DISC1: variants seen among roughly 807,000 people sequenced by gnomAD.
DISC1 encodes DISC1 scaffold protein.
A neutral mutation model predicts 84.5 loss-of-function variants in DISC1; 57 were observed. The observed-to-expected ratio is 0.67, with a 90% CI of 0.55 to 0.84. DISC1 has a LOEUF of 0.84. Among genes scored for constraint, DISC1 ranks in the 40% least tolerant of loss-of-function variants. DISC1 has a pLI of 0.00. For synonymous variants in DISC1, 411 were observed against 415.2 expected, an observed-to-expected ratio of 0.99 and a Z score of 0.12; for missense variants, 1,000 against 1,057.8, an observed-to-expected ratio of 0.95 and a Z score of 0.76.
chr1:231,894,088 G>A (rs189846678), intron 9 of DISC1, among the ~76,000 whole-genome samples: 3 of 152,172 alleles, frequency 2.0e-5, no homozygotes, highest in African/African-American at 7.2e-5. Flanking sequence ...TGTTGGGTGT[G>A]GTATTGCATA....
chr1:231,924,833 T>C (rs1253055719), intron 9 of DISC1, among the ~76,000 whole-genome samples: 6 of 152,006 alleles, frequency 3.9e-5, no homozygotes, highest in Non-Finnish European at 8.8e-5. Context: ...ATTTTTTGTA[T>C]TTTTAGTAGA....
Position 231,651,637 on chromosome 1 carries a change from G to A in DISC1, c.67+24703G>A, listed in dbSNP as rs185727435. The stretch of plus-strand genomic sequence containing the variant: ...CTCTTCAGAGCTGTCAGATAGGGAC[G>A]TTTAAGTCTGCAGAAGTTTCTGCTG... On this transcript the variant is annotated intron_variant, in intron 1 of 12. Coordinates refer to ENST00000439617, the MANE Select transcript of DISC1 (RefSeq NM_018662.3). Among the ~76,000 whole-genome samples, 12 of 152,344 alleles carry A rather than the reference G, an allele frequency of 7.9e-5. No individual in the cohort carries two copies. The South Asian group carries it at 1.4e-3, about 18-fold the overall frequency.
In DISC1 at chr1:231,816,396, TTG is replaced by T. The variant is rs558345738; in HGVS notation, c.1793-1929_1793-1928del. Among the ~76,000 whole-genome samples the T allele has an allele frequency of 1.7e-4, 26 of 152,322 alleles. No homozygotes were observed. In the South Asian group the frequency reaches 5.4e-3, roughly 32 times the overall value. ...TGTGACTTGTCGTCTCATTTTTTAG[TTG>T]TGTCTTTTGATGAGAAGTTTTTAAT... On this transcript the variant is annotated intron_variant, in intron 8 of 12. Coordinates refer to ENST00000439617, the MANE Select transcript of DISC1 (RefSeq NM_018662.3).
intron 1 of DISC1, among the ~76,000 whole-genome samples, chr1:231,651,924 T>G (rs2060659208): frequency 6.6e-6 from 1 of 152,228 alleles, no homozygotes; most frequent in Non-Finnish European, 1.5e-5. Context: ...CTTGGTGTGC[T>G]GTTTGCTAAG....
At chr1:231,797,888 A>T (rs17766629) in intron 7 of DISC1, among the ~76,000 whole-genome samples, 16,756 of 151,984 alleles carry the variant, frequency 0.11, 1,021 homozygotes, top group Non-Finnish European at 0.14. Flanking sequence ...TTTTCCGGGG[A>T]TGTGTATGTG....
chr1:231,953,338 C>A (rs1297889496), intron 9 of DISC1, among the ~76,000 whole-genome samples: 2 of 152,180 alleles, frequency 1.3e-5, no homozygotes, highest in African/African-American at 4.8e-5. Flanking sequence ...TCACGTAGGA[C>A]TTCATGGAAA....
At chr1:231,987,843 T>G (rs915549179) in intron 10 of DISC1, among the ~76,000 whole-genome samples, 2 of 152,216 alleles carry the variant, frequency 1.3e-5, no homozygotes, top group African/African-American at 4.8e-5. Flanking sequence ...ATCTAAATTA[T>G]ATGAGTGCAT....
chr1:231,874,916 CAAAAA>C (rs747303966), intron 9 of DISC1, among the ~76,000 whole-genome samples: 3 of 54,398 alleles, frequency 5.5e-5, no homozygotes, highest in Middle Eastern at 7.6e-3. Context: ...GACTCCGTCT[CAAAAA>C]AAAAAAAAAA....
chr1:231,640,817 T>A (rs2059579860), intron 1 of DISC1, among the ~76,000 whole-genome samples: 1 of 152,200 alleles, frequency 6.6e-6, no homozygotes, highest in African/African-American at 2.4e-5. Context: ...ATTATAGGCA[T>A]GAGCCACCAC....
intron 3 of DISC1, among the ~76,000 whole-genome samples, chr1:231,736,333 A>AC: frequency 6.6e-6 from 1 of 152,320 alleles, no homozygotes; most frequent in African/African-American, 2.4e-5. Flanking sequence ...AGTAATAGCA[A>AC]AAGCCCAGAG....
At chr1:231,716,662 G>T (rs1428475333) in intron 3 of DISC1, among the ~76,000 whole-genome samples, 3 of 152,140 alleles carry the variant, frequency 2.0e-5, no homozygotes, top group Non-Finnish European at 4.4e-5. Context: ...AGAAAGAGAG[G>T]TTGAAAGCTC....
intron 3 of DISC1, among the ~76,000 whole-genome samples, chr1:231,733,460 T>C (rs1311533371): frequency 6.9e-6 from 1 of 145,398 alleles, no homozygotes; most frequent in Non-Finnish European, 1.6e-5. Context: ...ATTGTAGAAG[T>C]GGTGGTGATG....
chr1:231,710,411 A>G (rs1421921436), intron 3 of DISC1, among the ~76,000 whole-genome samples: 1 of 152,198 alleles, frequency 6.6e-6, no homozygotes, highest in African/African-American at 2.4e-5. Context: ...TAATGATGAG[A>G]TGCAAACCCC....
At chr1:232,005,658 G>C (rs821602) in intron 10 of DISC1, among the ~76,000 whole-genome samples, 43,003 of 151,826 alleles carry the variant, frequency 0.28, 6,357 homozygotes, top group African/African-American at 0.33. Context: ...TTATCCTTCC[G>C]ATCTCATCAT....
At chr1:231,930,903 C>A (rs1261722760) in intron 9 of DISC1, among the ~76,000 whole-genome samples, 2 of 152,276 alleles carry the variant, frequency 1.3e-5, no homozygotes, top group South Asian at 4.1e-4. Context: ...TGGGTGGAGG[C>A]CCAGAAGCCA....
chr1:231,894,057 A>G (rs1401481288), intron 9 of DISC1, among the ~76,000 whole-genome samples: 5 of 152,180 alleles, frequency 3.3e-5, no homozygotes, highest in Admixed American at 3.3e-4. Context: ...ATGGGAAGTG[A>G]AAAGAAGGGA....
chr1:231,787,667 A>C (rs1320177296), intron 6 of DISC1, among the ~76,000 whole-genome samples: 1 of 152,236 alleles, frequency 6.6e-6, no homozygotes, highest in Non-Finnish European at 1.5e-5. Flanking sequence ...AGCAATAGCT[A>C]TAGGTTTTTG....
intron 1 of DISC1, among the ~76,000 whole-genome samples, chr1:231,682,406 A>G (rs2063783304): frequency 2.0e-5 from 3 of 152,128 alleles, no homozygotes; most frequent in Admixed American, 6.5e-5. Context: ...CCAAAGCAGC[A>G]TAGTTTGGAG....
chr1:231,627,139 G>T (rs573281939), intron 1 of DISC1, among the ~76,000 whole-genome samples: 13 of 152,320 alleles, frequency 8.5e-5, no homozygotes, highest in African/African-American at 2.6e-4. Context: ...CCAGCGCCGA[G>T]CCGGGCCAGG....
Sources: allele counts gnomAD v4.1 joint callset (sites outside exome capture counted in the v4.1 genomes callset), GRCh38; gene constraint gnomAD v4.1.1; transcripts MANE v1.5; gene names NCBI Gene and HGNC (gene_info 2026-07-23, HGNC 2026-07-21).